Variants in CRIM1 observed in about 807,000 individuals in gnomAD.
CRIM1 encodes the protein cysteine-rich motor neuron 1 protein.
CRIM1 carries 32 observed loss-of-function variants against 116.4 expected under a neutral mutation model. The ratio of observed to expected loss-of-function variants is 0.27; its 90% CI spans 0.21 to 0.37. The LOEUF (loss-of-function observed/expected upper bound fraction) is 0.37. Among genes scored for constraint, CRIM1 ranks in the 10% least tolerant of loss-of-function variants. The pLI, the probability that CRIM1 is intolerant of heterozygous loss-of-function variation, is 1.00. For missense variants in CRIM1, 1,331 were observed against 1,354.8 expected (o/e 0.98, Z 0.28); for synonymous variants, 590 against 509.2 (o/e 1.16, Z -2.13).
At chr2:36,464,695 G>A (rs1186600648) in intron 5 of CRIM1, 40 bp downstream of exon 5, 1 of 1,602,268 alleles carries the variant, frequency 6.2e-7, no homozygotes, top group Admixed American at 1.7e-5. Flanking sequence ...GTGTACATTT[G>A]TGCAGAGGAG....
intron 2 of CRIM1, among the ~76,000 whole-genome samples, chr2:36,439,897 GTCTT>G (rs920024614): frequency 3.9e-5 from 6 of 152,288 alleles, no homozygotes; most frequent in African/African-American, 1.4e-4. Flanking sequence ...AGGAACCTGT[GTCTT>G]TCCTCTTTAC....
rs116838911 is a variant in CRIM1, at chr2:36,488,008, G to A, written c.1372+8314G>A. Among the ~76,000 whole-genome samples the A allele has an allele frequency of 8.7e-3, 1,327 of 152,120 alleles. 15 individuals are homozygous for A. The highest frequency in any genetic ancestry group is 0.031 in the African/African-American group (1,277 of 41,502). ...GCGATTCTAATATAATTTATTTTTA[G>A]TATTTTAGTTATCCAATTCCACTTC... On this transcript the variant is annotated intron_variant, in intron 7 of 16. Coordinates refer to ENST00000280527, the MANE Select transcript of CRIM1 (RefSeq NM_016441.3).
At chr2:36,456,498 C>T (rs925884035) in intron 4 of CRIM1, among the ~76,000 whole-genome samples, 1 of 152,190 alleles carries the variant, frequency 6.6e-6, no homozygotes, top group Non-Finnish European at 1.5e-5. Flanking sequence ...TCCTCCTTTT[C>T]CAAACTAGTC....
At chr2:36,366,552 G>C (rs1384253455) in intron 1 of CRIM1, among the ~76,000 whole-genome samples, 1 of 152,050 alleles carries the variant, frequency 6.6e-6, no homozygotes, top group East Asian at 1.9e-4. Context: ...AAAAAAAGGA[G>C]AGGGAGTAGA....
chr2:36,379,531 C>T (rs909872521), intron 1 of CRIM1, among the ~76,000 whole-genome samples: 9 of 152,122 alleles, frequency 5.9e-5, no homozygotes, highest in African/African-American at 1.7e-4. Flanking sequence ...AGAAGAGCAG[C>T]GTGCAGAGGT....
At chr2:36,364,228 G>A (rs1669438087) in intron 1 of CRIM1, among the ~76,000 whole-genome samples, 1 of 152,200 alleles carries the variant, frequency 6.6e-6, no homozygotes, top group Non-Finnish European at 1.5e-5. Flanking sequence ...TCTGGCTGAT[G>A]CCAGTGTCAC....
At chr2:36,389,760 C>T (rs1385125128) in intron 1 of CRIM1, among the ~76,000 whole-genome samples, 1 of 152,086 alleles carries the variant, frequency 6.6e-6, no homozygotes, top group Admixed American at 6.5e-5. Context: ...TGCACTCATA[C>T]CTGAAATGTT....
intron 1 of CRIM1, among the ~76,000 whole-genome samples, chr2:36,371,522 A>G (rs1428355872): frequency 6.6e-6 from 1 of 152,194 alleles, no homozygotes; most frequent in African/African-American, 2.4e-5. Flanking sequence ...ACTGAAACGA[A>G]TGGCACTCCC....
chr2:36,442,247 CTT>C (rs879559097), intron 3 of CRIM1, among the ~76,000 whole-genome samples: 4 of 143,026 alleles, frequency 2.8e-5, no homozygotes, highest in Non-Finnish European at 1.5e-5. Context: ...TTCTTTCTTT[CTT>C]TTTTTTTTTT....
chr2:36,456,326 C>T (rs1165707449), intron 4 of CRIM1, among the ~76,000 whole-genome samples: 1 of 152,188 alleles, frequency 6.6e-6, no homozygotes, highest in African/African-American at 2.4e-5. Flanking sequence ...AAAATCATTA[C>T]GTGTTCATAA....
chr2:36,434,987 T>C (rs138742555), intron 2 of CRIM1, among the ~76,000 whole-genome samples: 6 of 152,328 alleles, frequency 3.9e-5, no homozygotes, highest in African/African-American at 1.4e-4. Context: ...TATCACTGAA[T>C]ATGCTGCAAA....
intron 15 of CRIM1, among the ~76,000 whole-genome samples, chr2:36,546,056 CCA>C (rs1239750598): frequency 2.0e-5 from 3 of 152,136 alleles, no homozygotes; most frequent in South Asian, 2.1e-4. Flanking sequence ...GAGTTTTAAA[CCA>C]CAGTGTTACA....
At chr2:36,510,973 C>T (rs890784929) in intron 9 of CRIM1, among the ~76,000 whole-genome samples, 5 of 149,312 alleles carry the variant, frequency 3.3e-5, no homozygotes, top group African/African-American at 5.0e-5. Flanking sequence ...CCACCCAGGC[C>T]GTAGTGCAGT....
intron 5 of CRIM1, among the ~76,000 whole-genome samples, chr2:36,472,977 G>C (rs185224305): frequency 2.6e-5 from 4 of 152,126 alleles, no homozygotes; most frequent in Admixed American, 6.5e-5. Flanking sequence ...CACTAAGGAA[G>C]GAGTTTAAAC....
chr2:36,356,247 C>G lies in CRIM1; in HGVS notation c.-46C>G, dbSNP rs774876529. ...CCCGCGCAGGGGAGGGCGCCCGCCC[C>G]GCTCCCGGCCCGGCTGCGAGGAGGA... is the stretch of plus-strand genomic sequence containing the variant. On this transcript the variant is annotated 5_prime_UTR_variant, in exon 1 of 17. Transcript: ENST00000280527. This position sits in a 1 kb window ranked among gnomAD's most constrained non-coding sequence, Gnocchi z 4.3. 21 of 1,199,000 alleles carry G rather than the reference C, an allele frequency of 1.8e-5. No homozygotes were observed. The East Asian group carries it at 4.4e-4, about 25-fold the overall frequency. 74.3% of individuals were successfully genotyped at this position (1,199,000 alleles called of 1,614,324 possible).
At chr2:36,406,622 T>C (rs1017245886) in intron 2 of CRIM1, among the ~76,000 whole-genome samples, 1,945 of 105,522 alleles carry the variant, frequency 0.018, no homozygotes, top group Non-Finnish European at 0.024. Flanking sequence ...ATTTGACCCC[T>C]CCCCCCCCCC....
chr2:36,544,727 A>G (rs1667193851), intron 15 of CRIM1, among the ~76,000 whole-genome samples: 1 of 152,192 alleles, frequency 6.6e-6, no homozygotes, highest in African/African-American at 2.4e-5. Flanking sequence ...CTCTGTGCTC[A>G]GAGACTTTGT....
chr2:36,478,730 AT>A (rs1308204020), intron 6 of CRIM1, among the ~76,000 whole-genome samples: 4 of 152,162 alleles, frequency 2.6e-5, no homozygotes, highest in Non-Finnish European at 5.9e-5. Context: ...CCAGTTTTTT[AT>A]GTATTTCTGA....
chr2:36,510,026 C>T lies in CRIM1; in HGVS notation c.1545C>T (p.Asn515=), dbSNP rs1681706129. Residue 515 remains asparagine (N), a synonymous_variant, in exon 9 of 17, where the codon AAC becomes AAT. Transcript: ENST00000280527. The part of the protein sequence containing the change: ...CSERKQGCTL[N]CPFGFLTDAQ... ...AACGTAAACAAGGCTGCACCTTGAACTGTCCCTTCGGTTTCCTTACTGATG... is the reference window on the plus strand; with the variant it reads ...AACGTAAACAAGGCTGCACCTTGAATTGTCCCTTCGGTTTCCTTACTGATG... 6.2e-7 allele frequency: 1 copy of T among 1,614,080 alleles called. No homozygotes were observed. Among genetic ancestry groups the T allele is most frequent in the Non-Finnish European group, 8.5e-7 (1 of 1,180,030 alleles).
Sources: gnomAD v4.1 joint callset for allele counts (sites outside exome capture counted in the v4.1 genomes callset) on GRCh38, gnomAD v4.1.1 for gene constraint, Gnocchi (gnomAD v3.1) non-coding constraint, MANE v1.5 for transcripts, NCBI Gene and HGNC (gene_info 2026-07-23, HGNC 2026-07-21) for gene names.